Variants in MRPL50 observed in about 807,000 individuals in gnomAD.
MRPL50 encodes the protein mitochondrial ribosomal protein L50, also known as large ribosomal subunit protein mL50.
Under a neutral mutation model 16.2 loss-of-function variants are expected in MRPL50, and 10 were observed. The ratio of observed to expected loss-of-function variants is 0.62; its 90% CI spans 0.38 to 1.05. The LOEUF is 1.05. MRPL50 is among the 50% of genes least tolerant of loss of function. The probability of loss-of-function intolerance (pLI) is 0.01; values close to 1 mark genes in which losing one functional copy is unlikely to be tolerated. For synonymous variants in MRPL50, 68 were observed against 66.8 expected (o/e 1.02, Z -0.09); for missense variants, 213 against 187.1 (o/e 1.14, Z -0.81).
At chr9:101,396,241 T>A (rs1198131405) in intron 1 of MRPL50, among the ~76,000 whole-genome samples, 1 of 152,202 alleles carries the variant, frequency 6.6e-6, no homozygotes, top group Non-Finnish European at 1.5e-5. Flanking sequence ...AGTATTAAGC[T>A]TCCTCAAAAG....
chr9:101,390,513 T>C lies in MRPL50; in HGVS notation c.430A>G (p.Ser144Gly), dbSNP rs752509591. The C allele has an allele frequency of 1.2e-6, 2 of 1,612,958 alleles. No homozygotes were observed. Among genetic ancestry groups the C allele is most frequent in the Non-Finnish European group, 1.7e-6 (2 of 1,179,350 alleles). The change falls in exon 2 of 2, where the codon AGT becomes GGT. Residue 144 changes from serine to glycine, a missense_variant. Ser to Gly is a moderately conservative substitution (Grantham distance 56). Transcript: ENST00000374865. ...IQDRSKFDEL[S>G]ASNLPPNLKI... ...AAATTGGGGGGCAGATTACTGGCAC[T>C]GAGTTCATCAAATTTAGATCTATCT...
chr9:101,396,936 A>T (rs1443361072), intron 1 of MRPL50, among the ~76,000 whole-genome samples: 3 of 152,076 alleles, frequency 2.0e-5, no homozygotes, highest in African/African-American at 4.8e-5. Context: ...GTGAGACTCC[A>T]TCTCCAACAC....
rs1830407320 is a variant in MRPL50 at position 101,398,617 on chromosome 9, G to A, written c.-25C>T. On this transcript the variant is annotated 5_prime_UTR_variant, in exon 1 of 2. Coordinates refer to ENST00000374865, the MANE Select transcript of MRPL50 (RefSeq NM_019051.3). ...TCTTCGATGAGATCCACGGGCCTGA[G>A]CGCAGCCTTCAGCCAGCAGTGACGC... The A allele has an allele frequency of 1.2e-6, 2 of 1,610,482 alleles. No individual in the cohort carries two copies. Among genetic ancestry groups the A allele is most frequent in the African/African-American group, 1.3e-5 (1 of 74,874 alleles).
At position 101,388,701 on chromosome 9, in the gene MRPL50, T is replaced by A. The variant is rs985925799; in HGVS notation, c.*1765A>T. On this transcript the variant is annotated 3_prime_UTR_variant, in exon 2 of 2. Transcript: ENST00000374865. ...GTGCAGTTTACCTTCCCTGTTGGGA[T>A]GCGTTTACCCTCCTTGTTGGTTAAA... 8 of 152,162 alleles carry A rather than the reference T, an allele frequency of 5.3e-5. No individual in the cohort carries two copies. Among genetic ancestry groups the A allele is most frequent in the African/African-American group, 1.9e-4 (8 of 41,452 alleles). 9.4% of individuals were successfully genotyped at this position (152,162 alleles called of 1,614,324 possible).
At chr9:101,394,947 A>G (rs1388415851) in intron 1 of MRPL50, among the ~76,000 whole-genome samples, 1 of 152,218 alleles carries the variant, frequency 6.6e-6, no homozygotes, top group African/African-American at 2.4e-5. Context: ...ATATCAAACT[A>G]AAAAGCTTCT....
intron 1 of MRPL50, among the ~76,000 whole-genome samples, chr9:101,391,780 G>A (rs930822833): frequency 2.0e-5 from 3 of 151,990 alleles, no homozygotes; most frequent in Admixed American, 6.6e-5. Flanking sequence ...AGATCATCCA[G>A]ACAAAATCAA....
chr9:101,398,259 T>G (rs1830391759), intron 1 of MRPL50, among the ~76,000 whole-genome samples: 1 of 151,716 alleles, frequency 6.6e-6, no homozygotes, highest in African/African-American at 2.4e-5. Context: ...AATGAATGAG[T>G]GAAGTGAAAA....
chr9:101,391,031 G>C (rs1830264055), intron 1 of MRPL50, among the ~76,000 whole-genome samples, 181 bp from the exon 2 acceptor site: 1 of 152,088 alleles, frequency 6.6e-6, no homozygotes, highest in South Asian at 2.1e-4. Context: ...TGAGTTGGGA[G>C]AGACAGAAAG....
intron 1 of MRPL50, among the ~76,000 whole-genome samples, chr9:101,394,346 C>A (rs954613218): frequency 3.3e-5 from 5 of 152,180 alleles, no homozygotes; most frequent in Non-Finnish European, 7.3e-5. Flanking sequence ...AGACCCTGCA[C>A]TCAATGGATT....
rs746513700 is a variant in MRPL50 at position 101,390,865 on chromosome 9, A to C, written c.93-15T>G. The C allele has an allele frequency of 2.6e-6, 4 of 1,566,604 alleles. No individual in the cohort carries two copies. In the Admixed American group the frequency reaches 8.2e-5, roughly 32 times the overall value. ...CTTTCTCTTTTCTGGAATGATCAAA[A>C]ACAAACAGACAAATCCATTAATGAA... On this transcript the variant is annotated splice_polypyrimidine_tract_variant and intron_variant, in intron 1 of 1. Coordinates refer to ENST00000374865, the MANE Select transcript of MRPL50 (RefSeq NM_019051.3).
intron 1 of MRPL50, among the ~76,000 whole-genome samples, chr9:101,398,257 A>C (rs1830391639): frequency 6.6e-6 from 1 of 152,170 alleles, no homozygotes; most frequent in Non-Finnish European, 1.5e-5. Context: ...TAAATGAATG[A>C]GTGAAGTGAA....
chr9:101,396,506 T>C (rs573592645), intron 1 of MRPL50, among the ~76,000 whole-genome samples: 7 of 152,268 alleles, frequency 4.6e-5, no homozygotes, highest in Middle Eastern at 3.4e-3. Flanking sequence ...TGTGCTTGCA[T>C]ATATACACAC....
rs556035084 is a variant in MRPL50, at chr9:101,388,467, T to G, written c.*1999A>C. Reference sequence around the variant, plus strand: ...AATCCTGTACATAAAATTCCAATGATTCCATGCTGAATCTTTTACACAGCA... The same window carrying G: ...AATCCTGTACATAAAATTCCAATGAGTCCATGCTGAATCTTTTACACAGCA... On this transcript the variant is annotated 3_prime_UTR_variant, in exon 2 of 2. Transcript: ENST00000374865. The G allele has an allele frequency of 1.3e-5, 2 of 152,214 alleles. No individual in the cohort carries two copies. The highest frequency in any genetic ancestry group is 4.1e-4 in the South Asian group (2 of 4,826). 9.4% of individuals were successfully genotyped at this position (152,214 alleles called of 1,614,324 possible).
At chr9:101,393,301 A>AG (rs1484091709) in intron 1 of MRPL50, among the ~76,000 whole-genome samples, 1 of 152,150 alleles carries the variant, frequency 6.6e-6, no homozygotes, top group Non-Finnish European at 1.5e-5. Context: ...CTTTCCTCTA[A>AG]GATCTTGAAC....
rs533999128 is a variant in MRPL50, at chr9:101,390,464, G to C, written c.*2C>G. 6.2e-7 allele frequency: 1 copy of C among 1,607,562 alleles called. No homozygotes were observed. Among genetic ancestry groups the C allele is most frequent in the African/African-American group, 1.3e-5 (1 of 74,866 alleles). On this transcript the variant is annotated 3_prime_UTR_variant, in exon 2 of 2. Transcript: ENST00000374865. ...TTTCAATGTGTTTCTCTTCCGAATTGCTTAGTAACTCCAAGTGATTTTCAA... is the reference window on the plus strand; with the variant it reads ...TTTCAATGTGTTTCTCTTCCGAATTCCTTAGTAACTCCAAGTGATTTTCAA...
At position 101,390,759 on chromosome 9, in the gene MRPL50, G is replaced by T. The variant is rs771740951; in HGVS notation, c.184C>A (p.Pro62Thr). ...CPPLRSRAYT[P>T]PEDLQSRLES... ...AAACGACTCTGGAGATCTTCAGGTGGTGTGTATGCTCGGCTTCGTAAAGGT... is the reference window on the plus strand; with the variant it reads ...AAACGACTCTGGAGATCTTCAGGTGTTGTGTATGCTCGGCTTCGTAAAGGT... Residue 62 changes from proline (P) to threonine (T), a missense_variant, in exon 2 of 2, where the codon CCA becomes ACA. Coordinates refer to ENST00000374865, the MANE Select transcript of MRPL50 (RefSeq NM_019051.3). 3.1e-6 allele frequency: 5 copies of T among 1,613,662 alleles called. No individual in the cohort carries two copies. The highest frequency in any genetic ancestry group is 4.2e-6 in the Non-Finnish European group (5 of 1,179,676).
In MRPL50 at chr9:101,388,941, T is replaced by C. The variant is rs889788952; in HGVS notation, c.*1525A>G. 2.0e-5 allele frequency: 3 copies of C among 152,042 alleles called. No individual in the cohort carries two copies. Among genetic ancestry groups the C allele is most frequent in the African/African-American group, 7.2e-5 (3 of 41,446 alleles). The allele number at this position is 152,042 out of a possible 1,614,324, so 9.4% of individuals were successfully genotyped here. On this transcript the variant is annotated 3_prime_UTR_variant, in exon 2 of 2. Transcript: ENST00000374865. Reference sequence around the variant, plus strand: ...ACATTGTATTCACAATTGTGAAAGCTATTTACATTGTATTCACAATTGTGA... The same window carrying C: ...ACATTGTATTCACAATTGTGAAAGCCATTTACATTGTATTCACAATTGTGA...
rs544635589 is a variant in MRPL50 at position 101,390,660 on chromosome 9, G to A, written c.283C>T (p.Arg95Cys). Residue 95 changes from arginine to cysteine, a missense_variant, in exon 2 of 2, where the codon CGT (arginine) becomes TGT (cysteine). Coordinates refer to ENST00000374865, the MANE Select transcript of MRPL50 (RefSeq NM_019051.3). ...TGAGCCAGAAGATTGAACTTTAGAC[G>A]ACTATCTTCCAGGGAGATGTCTTGC... ...NWQDISLEDS[R>C]LKFNLLAHLA... 3.4e-5 allele frequency: 55 copies of A among 1,609,834 alleles called. No homozygotes were observed. The East Asian group carries it at 6.9e-4, about 20-fold the overall frequency.
At position 101,388,057 on chromosome 9, in the gene MRPL50, A is replaced by C. The variant is rs1205745060; in HGVS notation, c.*2409T>G. ...TACCAAGACTGTTGTTTCAGGTGGCAGTACTTGTCTCCCACCTCAATACCA... is the reference window on the plus strand; with the variant it reads ...TACCAAGACTGTTGTTTCAGGTGGCCGTACTTGTCTCCCACCTCAATACCA... On this transcript the variant is annotated 3_prime_UTR_variant, in exon 2 of 2. Coordinates refer to ENST00000374865, the MANE Select transcript of MRPL50 (RefSeq NM_019051.3). The C allele has an allele frequency of 6.6e-6, 1 of 152,040 alleles. No individual in the cohort carries two copies. The highest frequency in any genetic ancestry group is 2.4e-5 in the African/African-American group (1 of 41,422). 9.4% of individuals were successfully genotyped at this position (152,040 alleles called of 1,614,324 possible).
Sources: gnomAD v4.1 joint callset for allele counts (sites outside exome capture counted in the v4.1 genomes callset) on GRCh38, gnomAD v4.1.1 for gene constraint, MANE v1.5 for transcripts, NCBI Gene and HGNC (gene_info 2026-07-23, HGNC 2026-07-21) for gene names.